CTNNA2: variants seen among roughly 807,000 people sequenced by gnomAD.
CTNNA2 encodes the protein catenin alpha-2.
Under a neutral mutation model 101.0 loss-of-function variants are expected in CTNNA2, and 42 were observed. The observed-to-expected ratio is 0.42, with a 90% CI of 0.32 to 0.54. The LOEUF (loss-of-function observed/expected upper bound fraction) is 0.54, where lower values mean the gene tolerates loss of function less well. Ranked by LOEUF, CTNNA2 falls within the 20% of genes least tolerant of loss-of-function variation. The pLI, the probability that CTNNA2 is intolerant of heterozygous loss-of-function variation, is 0.14. For synonymous variants in CTNNA2, 450 were observed against 456.4 expected (o/e 0.99, Z 0.18); for missense variants, 871 against 1,223.1 (o/e 0.71, Z 4.29).
At chr2:79,935,069 C>T (rs2974142) in intron 7 of CTNNA2, among the ~76,000 whole-genome samples, 111,337 of 152,106 alleles carry the variant, frequency 0.73, 41,638 homozygotes, top group African/African-American at 0.88. Flanking sequence ...ATCTCCTTGA[C>T]GGACACCCAT....
intron 3 of CTNNA2, among the ~76,000 whole-genome samples, chr2:79,335,184 C>T (rs769410482): frequency 3.9e-5 from 6 of 152,194 alleles, no homozygotes; most frequent in Admixed American, 1.3e-4. Flanking sequence ...TCTCATTTCC[C>T]TGGCCTTTTT....
At chr2:80,436,976 G>A (rs1328303981) in intron 9 of CTNNA2, among the ~76,000 whole-genome samples, 1 of 152,132 alleles carries the variant, frequency 6.6e-6, no homozygotes, top group Admixed American at 6.6e-5. Context: ...GTATTAAGAG[G>A]TGGGGCTTTT....
chr2:79,229,999 T>C (rs1263074568), intron 2 of CTNNA2, among the ~76,000 whole-genome samples: 1 of 152,186 alleles, frequency 6.6e-6, no homozygotes, highest in Non-Finnish European at 1.5e-5. Context: ...AGGATGTAAT[T>C]TGGGTGCTGT....
intron 9 of CTNNA2, among the ~76,000 whole-genome samples, chr2:80,463,190 A>G (rs375947918): frequency 1.2e-3 from 185 of 152,284 alleles, no homozygotes; most frequent in African/African-American, 4.3e-3. Flanking sequence ...ATCATCTCAC[A>G]TGGTTCTTTA....
At chr2:80,290,922 C>G (rs1270237382) in intron 7 of CTNNA2, among the ~76,000 whole-genome samples, 1 of 152,148 alleles carries the variant, frequency 6.6e-6, no homozygotes, top group Non-Finnish European at 1.5e-5. Flanking sequence ...TGACGATGTC[C>G]TCAATTTCCC....
intron 1 of CTNNA2, among the ~76,000 whole-genome samples, chr2:79,592,443 T>A (rs1378276212): frequency 6.6e-6 from 1 of 152,142 alleles, no homozygotes; most frequent in Non-Finnish European, 1.5e-5. Context: ...ATTAATTACA[T>A]CTTGTAGTGA....
intron 7 of CTNNA2, among the ~76,000 whole-genome samples, chr2:80,099,986 A>G (rs891769829): frequency 1.3e-5 from 2 of 151,976 alleles, no homozygotes; most frequent in African/African-American, 2.4e-5. Flanking sequence ...CTGGAGTGCC[A>G]TGGTGCAATC....
chr2:80,598,439 C>A (rs964387329), intron 15 of CTNNA2, among the ~76,000 whole-genome samples: 1 of 151,758 alleles, frequency 6.6e-6, no homozygotes, highest in Non-Finnish European at 1.5e-5. Context: ...ACATTCTGCA[C>A]ACATAGCGTA....
At chr2:79,365,306 C>A (rs1399616384) in intron 3 of CTNNA2, among the ~76,000 whole-genome samples, 1 of 151,758 alleles carries the variant, frequency 6.6e-6, no homozygotes, top group African/African-American at 2.4e-5. Flanking sequence ...ATAAATTAAA[C>A]CTGCAAATGA....
chr2:79,191,475 G>C (rs1336018276), intron 1 of CTNNA2, among the ~76,000 whole-genome samples: 1 of 152,162 alleles, frequency 6.6e-6, no homozygotes, highest in African/African-American at 2.4e-5. Flanking sequence ...GCCCTGTTAA[G>C]ATACCCACCC....
intron 7 of CTNNA2, among the ~76,000 whole-genome samples, chr2:80,373,480 T>A (rs1221003456): frequency 6.6e-6 from 1 of 152,192 alleles, no homozygotes; most frequent in Non-Finnish European, 1.5e-5. Flanking sequence ...ACCTGCAAGC[T>A]TTCACATAGC....
chr2:80,028,996 A>C (rs567398418), intron 7 of CTNNA2, among the ~76,000 whole-genome samples: 15 of 152,354 alleles, frequency 9.8e-5, no homozygotes, highest in African/African-American at 3.6e-4. Context: ...AATTTGTCAT[A>C]GCCACAATAG....
rs369287524 is a variant in CTNNA2, at chr2:79,916,813, G to A, written c.1056+7016G>A. On this transcript the variant is annotated intron_variant, in intron 7 of 18. Transcript: ENST00000402739. ...AATTTTTTGAATTCTTAGTAGAGAC[G>A]GGGTTTCACCCGTGTTAGCGAGGAT... 1.6e-4 allele frequency among the ~76,000 whole-genome samples: 25 copies of A among 151,794 alleles called. No individual in the cohort carries two copies. In the East Asian group the frequency reaches 4.7e-3, roughly 29 times the overall value.
At chr2:79,273,583 C>T (rs1013425531) in intron 2 of CTNNA2, among the ~76,000 whole-genome samples, 3 of 152,046 alleles carry the variant, frequency 2.0e-5, no homozygotes, top group Admixed American at 1.3e-4. Context: ...GTTATAGTAA[C>T]ATCATTATCA....
intron 2 of CTNNA2, among the ~76,000 whole-genome samples, chr2:79,720,846 T>C (rs1686435790): frequency 6.6e-6 from 1 of 152,140 alleles, no homozygotes. Flanking sequence ...TCTTTTCCTA[T>C]TTGGATGCTT....
At chr2:79,672,136 A>G (rs1415714235) in intron 2 of CTNNA2, among the ~76,000 whole-genome samples, 1 of 152,186 alleles carries the variant, frequency 6.6e-6, no homozygotes, top group Admixed American at 6.5e-5. Flanking sequence ...TTTCAACTTG[A>G]TAGGCATCAA....
chr2:79,876,359 A>G (rs1162490094), intron 6 of CTNNA2, among the ~76,000 whole-genome samples: 1 of 152,254 alleles, frequency 6.6e-6, no homozygotes, highest in African/African-American at 2.4e-5. Flanking sequence ...TGAAACACAA[A>G]TGGACTCATC....
At position 79,435,405 on chromosome 2, in the gene CTNNA2, CCT is replaced by C. The variant is rs1162079532; in HGVS notation, c.-135+61395_-135+61396del. ...TTTGGTGTCCCATCACTTCTTCAAA[CCT>C]CTGTTAGATGCAGGGAAAATAAAAT... On this transcript the variant is annotated intron_variant, in intron 4 of 21. Coordinates refer to the CTNNA2 transcript ENST00000466387. 3.9e-5 allele frequency among the ~76,000 whole-genome samples: 6 copies of C among 152,122 alleles called. No individual in the cohort carries two copies. The South Asian group carries it at 1.2e-3, about 32-fold the overall frequency.
chr2:79,732,527 A>G (rs1386914261), intron 2 of CTNNA2, among the ~76,000 whole-genome samples: 1 of 152,114 alleles, frequency 6.6e-6, no homozygotes, highest in Non-Finnish European at 1.5e-5. Context: ...ATGCATACAA[A>G]TAGAGAATGT....
Sources: allele counts gnomAD v4.1 joint callset (sites outside exome capture counted in the v4.1 genomes callset), GRCh38; gene constraint gnomAD v4.1.1; transcripts MANE v1.5; gene names NCBI Gene and HGNC (gene_info 2026-07-23, HGNC 2026-07-21).